Variants in JCAD observed in about 807,000 individuals in gnomAD.
JCAD encodes the protein junctional cadherin 5-associated protein.
A neutral mutation model predicts 98.0 loss-of-function variants in JCAD; 40 were observed. That is an observed-to-expected ratio of 0.41 (90% CI 0.32 to 0.53). The LOEUF is 0.53. Among genes scored for constraint, JCAD ranks in the 20% least tolerant of loss-of-function variants. JCAD has a pLI of 0.31. For missense variants in JCAD, 1,705 were observed against 1,738.1 expected, an observed-to-expected ratio of 0.98 and a Z score of 0.34; for synonymous variants, 691 against 682.3, an observed-to-expected ratio of 1.01 and a Z score of -0.20.
chr10:30,026,099 T>C lies in JCAD; in HGVS notation c.4045+4A>G, dbSNP rs765138664. 16 of 1,614,040 alleles carry C rather than the reference T, an allele frequency of 9.9e-6. No individual in the cohort carries two copies. The highest frequency in any genetic ancestry group is 1.3e-5 in the African/African-American group (1 of 74,946). On this transcript the variant is annotated splice_donor_region_variant and intron_variant, in intron 3 of 3. Coordinates refer to ENST00000375377, the MANE Select transcript of JCAD (RefSeq NM_020848.4). ...AGCACCTGCCTGTCTGCCTGATTCC[T>C]CACCTGGGCACCAGAAGTCTTGATC...
upstream of JCAD, among the ~76,000 whole-genome samples, chr10:30,064,385 A>C (rs1378999987): frequency 6.6e-6 from 1 of 152,124 alleles, no homozygotes; most frequent in African/African-American, 2.4e-5. Context: ...TGGACTTCTC[A>C]GCTACAAGAA....
At chr10:30,114,879 G>C (rs1202904539) in intron 1 of JCAD, among the ~76,000 whole-genome samples, 1 of 152,000 alleles carries the variant, frequency 6.6e-6, no homozygotes, top group African/African-American at 2.4e-5. Flanking sequence ...ATAGATGATA[G>C]ATAGATAGAA....
intron 1 of JCAD, among the ~76,000 whole-genome samples, chr10:30,101,659 C>T (rs767096051): frequency 6.6e-5 from 10 of 152,116 alleles, no homozygotes; most frequent in Non-Finnish European, 1.3e-4. Flanking sequence ...TGAGCCACCA[C>T]GCCCGGCTCA....
intron 3 of JCAD, among the ~76,000 whole-genome samples, chr10:30,021,283 C>G (rs925711535): frequency 6.6e-6 from 1 of 152,224 alleles, no homozygotes; most frequent in Non-Finnish European, 1.5e-5. Flanking sequence ...ACTGCAGCCT[C>G]AAACTCCTGG....
chr10:30,065,930 G>C (rs992811725), intron 2 of JCAD, among the ~76,000 whole-genome samples: 1 of 152,180 alleles, frequency 6.6e-6, no homozygotes, highest in African/African-American at 2.4e-5. Flanking sequence ...TCATCAAACC[G>C]ATGCAATCAG....
Position 30,018,050 on chromosome 10 carries a change from A to G in JCAD, c.4046-133T>C, listed in dbSNP as rs1589672891. ...TAAAGGTTAATTTTTAGACATTTTAACAATCATGTTTTCACTAAGGAGTAA... is the reference window on the plus strand; with the variant it reads ...TAAAGGTTAATTTTTAGACATTTTAGCAATCATGTTTTCACTAAGGAGTAA... On this transcript the variant is annotated intron_variant, in intron 3 of 3. Transcript: ENST00000375377. 1.0e-5 allele frequency: 7 copies of G among 677,948 alleles called. No individual in the cohort carries two copies. The East Asian group carries it at 1.7e-4, about 16-fold the overall frequency. The allele number at this position is 677,948 out of a possible 1,614,324, so 42.0% of individuals were successfully genotyped here. A position where few individuals can be genotyped will look rare whatever the true frequency, so the allele number is the denominator to read the frequency against.
intron 1 of JCAD, among the ~76,000 whole-genome samples, chr10:30,109,128 T>C (rs1389957439): frequency 6.6e-6 from 1 of 152,104 alleles, no homozygotes; most frequent in Admixed American, 6.5e-5. Context: ...GTTATCTTGA[T>C]AATCTGTCTG....
Position 30,028,318 on chromosome 10 carries a change from C to A in JCAD, c.1830G>T (p.Lys610Asn), listed in dbSNP as rs1026651762. ...NNDLKPSADQ[K>N]NGSDKSPALQ... ...GAGCCGGGCTCTTATCAGACCCATT[C>A]TTTTGATCAGCACTGGGCTTTAAGT... Residue 610 changes from lysine to asparagine, a missense_variant, in exon 3 of 4, where the codon AAG becomes AAT. Transcript: ENST00000375377. 2 of 1,614,114 alleles carry A rather than the reference C, an allele frequency of 1.2e-6. No individual in the cohort carries two copies. Among genetic ancestry groups the A allele is most frequent in the Non-Finnish European group, 1.7e-6 (2 of 1,180,062 alleles).
At chr10:30,113,376 C>G (rs922005519) in intron 1 of JCAD, among the ~76,000 whole-genome samples, 5 of 151,688 alleles carry the variant, frequency 3.3e-5, no homozygotes, top group Non-Finnish European at 5.9e-5. Context: ...AATGGTGAAA[C>G]CCTGTCTCTA....
At position 30,016,857 on chromosome 10, in the gene JCAD, C is replaced by T. The variant is rs1836546222; in HGVS notation, c.*1026G>A. 6.6e-6 allele frequency: 1 copy of T among 152,136 alleles called. No homozygotes were observed. Among genetic ancestry groups the T allele is most frequent in the African/African-American group, 2.4e-5 (1 of 41,426 alleles). The allele number at this position is 152,136 out of a possible 1,614,324, so 9.4% of individuals were successfully genotyped here. A position where few individuals can be genotyped will look rare whatever the true frequency, so the allele number is the denominator to read the frequency against. On this transcript the variant is annotated 3_prime_UTR_variant, in exon 4 of 4. Transcript: ENST00000375377. ...GTACAAAAATCTTTGTGAAAAGTTT[C>T]TTTTATTAACCCTGTGATATGTCTA...
At chr10:30,099,684 G>A (rs1421629107) in intron 1 of JCAD, among the ~76,000 whole-genome samples, 1 of 152,010 alleles carries the variant, frequency 6.6e-6, no homozygotes, top group Non-Finnish European at 1.5e-5. Context: ...CATATACAAT[G>A]AAAAAATCTG....
intron 1 of JCAD, among the ~76,000 whole-genome samples, chr10:30,105,816 T>C (rs1838567609): frequency 6.6e-6 from 1 of 152,232 alleles, no homozygotes; most frequent in Admixed American, 6.5e-5. Flanking sequence ...TAAATTAGCA[T>C]TGACATTAAT....
intron 3 of JCAD, among the ~76,000 whole-genome samples, chr10:30,024,532 T>C (rs973445829): frequency 2.0e-5 from 3 of 152,104 alleles, no homozygotes; most frequent in African/African-American, 7.2e-5. Flanking sequence ...TCTCTACCAC[T>C]GCAAAGGCCC....
intron 3 of JCAD, among the ~76,000 whole-genome samples, chr10:30,019,110 C>T (rs527577570): frequency 1.3e-5 from 2 of 152,046 alleles, no homozygotes; most frequent in Non-Finnish European, 2.9e-5. Context: ...AATCCCAGCA[C>T]TTTGGGAGGC....
intron 1 of JCAD, among the ~76,000 whole-genome samples, chr10:30,088,825 C>A (rs1838208854): frequency 6.6e-6 from 1 of 151,916 alleles, no homozygotes; most frequent in Non-Finnish European, 1.5e-5. Context: ...CAAAAATTAG[C>A]CAGGGGTGGT....
chr10:30,083,801 A>G (rs575899484), intron 1 of JCAD, among the ~76,000 whole-genome samples: 30 of 152,274 alleles, frequency 2.0e-4, no homozygotes, highest in Admixed American at 5.9e-4. Context: ...CCAAGGCAAA[A>G]AGATCACTTG....
At chr10:30,092,121 TATATAAAA>T (rs1838292507) in intron 1 of JCAD, among the ~76,000 whole-genome samples, 1 of 112,574 alleles carries the variant, frequency 8.9e-6, no homozygotes, top group African/African-American at 4.1e-5. Flanking sequence ...TATATATATA[TATATAAAA>T]AACATTTTAA....
At chr10:30,104,772 AG>A (rs1347208226) in intron 1 of JCAD, among the ~76,000 whole-genome samples, 6 of 145,036 alleles carry the variant, frequency 4.1e-5, no homozygotes, top group African/African-American at 1.6e-4. Context: ...GCTTGTCAAA[AG>A]TTTTTTGTTT....
At chr10:30,100,348 C>A (rs941248601) in intron 1 of JCAD, among the ~76,000 whole-genome samples, 15 of 151,982 alleles carry the variant, frequency 9.9e-5, no homozygotes, top group African/African-American at 3.6e-4. Context: ...CTGAATTATT[C>A]TTTTTGTTGT....
Sources: allele counts gnomAD v4.1 joint callset (sites outside exome capture counted in the v4.1 genomes callset), GRCh38; gene constraint gnomAD v4.1.1; transcripts MANE v1.5; gene names NCBI Gene and HGNC (gene_info 2026-07-23, HGNC 2026-07-21).